NBAS: variants seen among roughly 807,000 people sequenced by gnomAD.
The protein encoded by NBAS is NAG/BC035112 fusion.
Under a neutral mutation model 302.5 loss-of-function variants are expected in NBAS, and 219 were observed. That is an observed-to-expected ratio of 0.72 (90% CI 0.65 to 0.81). The LOEUF (loss-of-function observed/expected upper bound fraction) is 0.81. NBAS is among the 30% of genes least tolerant of loss of function. The pLI is 0.00. For synonymous variants in NBAS, 1,118 were observed against 1,021.6 expected (o/e 1.09, Z -1.80); for missense variants, 2,932 against 2,841.6 (o/e 1.03, Z -0.72).
At chr2:15,161,359 G>A in the NBAS span, among the ~76,000 whole-genome samples, 2 of 152,150 alleles carry the variant, frequency 1.3e-5, no homozygotes, top group Admixed American at 1.3e-4. Context: ...TAAAGCAAAG[G>A]TGATGTAAAA....
the NBAS span, among the ~76,000 whole-genome samples, chr2:15,070,615 C>A: frequency 6.6e-6 from 1 of 152,176 alleles, no homozygotes; most frequent in Non-Finnish European, 1.5e-5. Flanking sequence ...AACACTCATT[C>A]CCTTCCATGA....
At chr2:14,800,151 GATTA>G in the NBAS span, among the ~76,000 whole-genome samples, 16 of 151,926 alleles carry the variant, frequency 1.1e-4, no homozygotes. Context: ...ACTCCCTTTG[GATTA>G]ATTAAATATT....
the NBAS span, among the ~76,000 whole-genome samples, chr2:15,149,288 A>G: frequency 2.0e-5 from 3 of 152,260 alleles, no homozygotes; most frequent in Admixed American, 6.5e-5. Context: ...TGACACAGCA[A>G]GAAGGCTCTT....
the NBAS span, among the ~76,000 whole-genome samples, chr2:15,069,683 C>A: frequency 3.3e-5 from 5 of 152,030 alleles, no homozygotes; most frequent in Non-Finnish European, 7.4e-5. Context: ...TCTGTAAAAT[C>A]TTTGGTCATG....
At chr2:15,104,973 A>T in the NBAS span, among the ~76,000 whole-genome samples, 2 of 152,186 alleles carry the variant, frequency 1.3e-5, 1 homozygote, top group African/African-American at 4.8e-5. Flanking sequence ...TTATTGCAGC[A>T]CTATCCACAA....
chr2:14,845,648 G>A, the NBAS span, among the ~76,000 whole-genome samples: 1 of 152,128 alleles, frequency 6.6e-6, no homozygotes, highest in Non-Finnish European at 1.5e-5. Context: ...AAAATGCAAA[G>A]AAATTCAAGA....
At chr2:15,533,393 T>A (rs1558418427) in intron 9 of NBAS, among the ~76,000 whole-genome samples, 1 of 152,310 alleles carries the variant, frequency 6.6e-6, no homozygotes, top group East Asian at 1.9e-4. Flanking sequence ...GGAGAATGAA[T>A]AAATATGTTG....
At chr2:15,152,737 C>T in the NBAS span, among the ~76,000 whole-genome samples, 2 of 152,186 alleles carry the variant, frequency 1.3e-5, no homozygotes, top group East Asian at 1.9e-4. Flanking sequence ...CATAACCATA[C>T]ACTGCCTGCT....
chr2:15,069,003 C>T, the NBAS span, among the ~76,000 whole-genome samples: 1 of 152,116 alleles, frequency 6.6e-6, no homozygotes, highest in South Asian at 2.1e-4. Flanking sequence ...TAGCATGTCC[C>T]TCTGATCTCT....
intron 25 of NBAS, among the ~76,000 whole-genome samples, chr2:15,414,918 C>T (rs1391239553): frequency 2.0e-5 from 3 of 152,204 alleles, no homozygotes; most frequent in African/African-American, 4.8e-5. Context: ...GCACTCCAGC[C>T]TGGCCGAAAG....
chr2:15,035,057 A>T, the NBAS span, among the ~76,000 whole-genome samples: 4 of 151,688 alleles, frequency 2.6e-5, no homozygotes, highest in African/African-American at 9.7e-5. Context: ...ACAGTATTTC[A>T]TAGTATGTTG....
chr2:14,929,099 G>C, the NBAS span, among the ~76,000 whole-genome samples: 1 of 152,134 alleles, frequency 6.6e-6, no homozygotes. Context: ...GGCTACTTCA[G>C]AATCAAAGAG....
At chr2:14,974,527 T>C in the NBAS span, among the ~76,000 whole-genome samples, 1 of 152,222 alleles carries the variant, frequency 6.6e-6, no homozygotes, top group Non-Finnish European at 1.5e-5. Flanking sequence ...AGGTCAACAG[T>C]TTCTGTCAAC....
At chr2:15,404,029 C>G (rs1257486025) in intron 25 of NBAS, among the ~76,000 whole-genome samples, 1 of 151,966 alleles carries the variant, frequency 6.6e-6, no homozygotes, top group Admixed American at 6.5e-5. Flanking sequence ...GCATGAGCCA[C>G]CACACACAGC....
At chr2:15,244,660 T>C (rs982432911) in intron 44 of NBAS, among the ~76,000 whole-genome samples, 1 of 152,126 alleles carries the variant, frequency 6.6e-6, no homozygotes, top group Non-Finnish European at 1.5e-5. Context: ...TGGTTCACAG[T>C]CTGGATCACA....
chr2:15,373,184 C>T (rs16862548), intron 31 of NBAS, among the ~76,000 whole-genome samples: 5,834 of 152,194 alleles, frequency 0.038, 381 homozygotes, highest in African/African-American at 0.13. Context: ...TCAAAAGTCA[C>T]ATGAATTGTA....
the NBAS span, among the ~76,000 whole-genome samples, chr2:14,792,018 C>T: frequency 6.6e-6 from 1 of 151,892 alleles, no homozygotes; most frequent in East Asian, 1.9e-4. Context: ...ATAGGGGGAA[C>T]CTACCACATC....
chr2:15,414,353 C>A (rs891717380), intron 25 of NBAS, among the ~76,000 whole-genome samples: 10 of 152,204 alleles, frequency 6.6e-5, no homozygotes, highest in African/African-American at 2.4e-4. Flanking sequence ...GGAATGAGCC[C>A]TACATGGGGC....
intron 12 of NBAS, among the ~76,000 whole-genome samples, chr2:15,486,791 G>A (rs1452926341): frequency 6.6e-6 from 1 of 151,544 alleles, no homozygotes; most frequent in East Asian, 1.9e-4. Context: ...TTATATTAAT[G>A]AGTAAAGAGT....
Sources: allele counts gnomAD v4.1 joint callset (sites outside exome capture counted in the v4.1 genomes callset), GRCh38; gene constraint gnomAD v4.1.1; transcripts MANE v1.5; gene names NCBI Gene and HGNC (gene_info 2026-07-23, HGNC 2026-07-21).